Variants in ARHGAP35 observed in about 807,000 individuals in gnomAD.
ARHGAP35 encodes Rho GTPase activating protein 35.
ARHGAP35 carries 15 observed loss-of-function variants against 111.1 expected under a neutral mutation model. The ratio of observed to expected loss-of-function variants is 0.13; its 90% CI spans 0.09 to 0.21. The LOEUF (loss-of-function observed/expected upper bound fraction) is 0.21, where lower values mean the gene tolerates loss of function less well. Ranked by LOEUF, ARHGAP35 falls within the 10% of genes least tolerant of loss-of-function variation. The probability of loss-of-function intolerance (pLI) is 1.00; values close to 1 mark genes in which losing one functional copy is unlikely to be tolerated. For synonymous variants in ARHGAP35, 643 were observed against 710.3 expected, an observed-to-expected ratio of 0.91 and a Z score of 1.51; for missense variants, 1,262 against 1,873.0, an observed-to-expected ratio of 0.67 and a Z score of 6.02.
At chr19:46,866,309 T>C (rs1474428697) in intron 1 of ARHGAP35, among the ~76,000 whole-genome samples, 1 of 152,178 alleles carries the variant, frequency 6.6e-6, no homozygotes, top group Admixed American at 6.5e-5. Flanking sequence ...CTTGCGTTCA[T>C]TGGAACTCAG....
chr19:46,874,566 C>G lies in ARHGAP35; in HGVS notation c.-189+13357C>G, dbSNP rs984028029. 2.8e-5 allele frequency among the ~76,000 whole-genome samples: 4 copies of G among 140,794 alleles called. 1 individual carries two copies. Among genetic ancestry groups the G allele is most frequent in the African/African-American group, 1.1e-4 (4 of 37,576 alleles). 92.4% of individuals were successfully genotyped at this position (140,794 alleles called of 152,430 possible). ...TTGCCCAGGCTGGAGTACAATGGCA[C>G]AATCTTCGGCTCACAGCAACCTCCG... On this transcript the variant is annotated intron_variant, in intron 1 of 6. Coordinates refer to ENST00000672722, the MANE Select transcript of ARHGAP35 (RefSeq NM_004491.5).
At position 46,926,134 on chromosome 19, in the gene ARHGAP35, A is replaced by G. The variant is rs1241621916; in HGVS notation, c.3681+3778A>G. On this transcript the variant is annotated intron_variant, in intron 2 of 6. Coordinates refer to ENST00000672722, the MANE Select transcript of ARHGAP35 (RefSeq NM_004491.5). This position sits in a 1 kb window ranked among gnomAD's most constrained non-coding sequence, Gnocchi z 4.1. ...TATGCTCTGGGTACCAATGTGATAC[A>G]GAAAAAAATCACTCAGTGCCCTTGG... Among the ~76,000 whole-genome samples the G allele has an allele frequency of 6.6e-6, 1 of 152,194 alleles. No homozygotes were observed. The highest frequency in any genetic ancestry group is 1.5e-5 in the Non-Finnish European group (1 of 68,026).
At chr19:46,873,579 A>G (rs1260293744) in intron 1 of ARHGAP35, among the ~76,000 whole-genome samples, 3 of 149,776 alleles carry the variant, frequency 2.0e-5, no homozygotes, top group Non-Finnish European at 3.0e-5. Context: ...TGGAGGTTGC[A>G]GTGAGCTGAG....
intron 1 of ARHGAP35, among the ~76,000 whole-genome samples, chr19:46,881,934 T>C (rs1445420529): frequency 6.6e-6 from 1 of 152,210 alleles, no homozygotes; most frequent in African/African-American, 2.4e-5. Context: ...ATCTTGCACA[T>C]TTATGTTATG....
At chr19:46,970,930 A>T (rs2056543812) in intron 3 of ARHGAP35, among the ~76,000 whole-genome samples, 1 of 152,082 alleles carries the variant, frequency 6.6e-6, no homozygotes, top group Admixed American at 6.5e-5. Context: ...AGTGATTATA[A>T]CTGACCTCTA....
chr19:46,892,590 A>C (rs1292796227), intron 1 of ARHGAP35, among the ~76,000 whole-genome samples: 1 of 151,862 alleles, frequency 6.6e-6, no homozygotes, highest in Non-Finnish European at 1.5e-5. Context: ...AATTTTCTAA[A>C]GTACGAAGTA....
At chr19:46,904,089 G>C (rs1599808698) in intron 1 of ARHGAP35, among the ~76,000 whole-genome samples, 1 of 152,144 alleles carries the variant, frequency 6.6e-6, no homozygotes, top group East Asian at 1.9e-4. Context: ...CTAGGGTCTT[G>C]ATTAATGTGA....
At position 46,920,715 on chromosome 19, in the gene ARHGAP35, G is replaced by T. The variant is rs368137748; in HGVS notation, c.2040G>T (p.Lys680Asn). ...CCTATGTAGTGGAAAGTATAGAGAA[G>T]AGTAGAGAGTCCACGCTGGGCCGGC... The part of the protein sequence containing the change: ...SLSYVVESIE[K>N]SRESTLGRRD... The change falls in exon 2 of 7, where the codon AAG becomes AAT. Residue 680 changes from lysine to asparagine, a missense_variant. By Grantham distance (94) the Lys-to-Asn change is moderately conservative. Around this residue, in one of 8 missense-constraint regions of ARHGAP35, gnomAD observed 579 missense variants for 716.9 expected, o/e 0.81. Coordinates refer to ENST00000672722, the MANE Select transcript of ARHGAP35 (RefSeq NM_004491.5). The surrounding 1 kb of genome is among the most constrained non-coding windows in gnomAD (Gnocchi z 7.0). 6.2e-7 allele frequency: 1 copy of T among 1,613,802 alleles called. No homozygotes were observed. The highest frequency in any genetic ancestry group is 8.5e-7 in the Non-Finnish European group (1 of 1,179,814).
intron 3 of ARHGAP35, among the ~76,000 whole-genome samples, chr19:46,981,893 T>G (rs763612819): frequency 6.6e-6 from 1 of 151,964 alleles, no homozygotes; most frequent in Non-Finnish European, 1.5e-5. Flanking sequence ...TCACTCTGTC[T>G]CCCAAGCTGA....
Position 46,988,130 on chromosome 19 carries a change from G to A in ARHGAP35, c.3904+64G>A. 6.7e-7 allele frequency: 1 copy of A among 1,492,898 alleles called. No homozygotes were observed. The highest frequency in any genetic ancestry group is 9.2e-7 in the Non-Finnish European group (1 of 1,082,214). The allele number at this position is 1,492,898 out of a possible 1,614,324, so 92.5% of individuals were successfully genotyped here. On this transcript the variant is annotated intron_variant, in intron 4 of 6. Coordinates refer to ENST00000672722, the MANE Select transcript of ARHGAP35 (RefSeq NM_004491.5). This position sits in a 1 kb window ranked among gnomAD's most constrained non-coding sequence, Gnocchi z 5.4. ...GGTCAAGGCAGACACAGCTGCCTCG[G>A]TGAACTGTCTGTGGGGCTTCGGAGC...
intron 1 of ARHGAP35, among the ~76,000 whole-genome samples, 156 bp downstream of exon 1, chr19:46,861,365 C>G (rs1241707077): frequency 6.9e-6 from 1 of 145,624 alleles, no homozygotes; most frequent in Non-Finnish European, 1.5e-5. Context: ...GCCCCCCGGG[C>G]CCCGCCGTCC....
At chr19:46,864,436 A>C (rs2055844983) in intron 1 of ARHGAP35, among the ~76,000 whole-genome samples, 1 of 152,200 alleles carries the variant, frequency 6.6e-6, no homozygotes, top group Non-Finnish European at 1.5e-5. Flanking sequence ...ATTGTATATT[A>C]AAGTAGCCAT....
intron 1 of ARHGAP35, among the ~76,000 whole-genome samples, chr19:46,870,844 T>C (rs2055883810): frequency 6.6e-6 from 1 of 152,036 alleles, no homozygotes; most frequent in African/African-American, 2.4e-5. Context: ...AAGTTTTTTC[T>C]TAAAAAAAAA....
chr19:46,969,013 G>T (rs1027459511), intron 3 of ARHGAP35, among the ~76,000 whole-genome samples: 6 of 152,160 alleles, frequency 3.9e-5, no homozygotes, highest in African/African-American at 1.2e-4. Context: ...CTTGAACCTG[G>T]AAGGCAGAGG....
intron 3 of ARHGAP35, among the ~76,000 whole-genome samples, chr19:46,950,643 G>T (rs544403258): frequency 6.6e-6 from 1 of 152,336 alleles, no homozygotes; most frequent in African/African-American, 2.4e-5. Flanking sequence ...TTCTGGCAGG[G>T]TGAGTGTGGG....
At chr19:46,953,276 TG>T (rs1434180570) in intron 3 of ARHGAP35, among the ~76,000 whole-genome samples, 3 of 151,632 alleles carry the variant, frequency 2.0e-5, no homozygotes, top group Admixed American at 2.0e-4. Context: ...GCAGGAAAGG[TG>T]GGGTATGAAA....
intron 3 of ARHGAP35, among the ~76,000 whole-genome samples, chr19:46,969,456 C>T (rs2056532730): frequency 6.6e-6 from 1 of 152,184 alleles, no homozygotes; most frequent in South Asian, 2.1e-4. Context: ...AAAGCTTCCT[C>T]ACTGCCTGGT....
At chr19:46,991,489 C>G (rs963509126) in intron 5 of ARHGAP35, among the ~76,000 whole-genome samples, 1 of 152,224 alleles carries the variant, frequency 6.6e-6, no homozygotes, top group African/African-American at 2.4e-5. Context: ...CAGCTCTCAC[C>G]CAGCTTCCAC....
intron 3 of ARHGAP35, chr19:46,948,524 T>C (rs1222619102): frequency 2.0e-5 from 3 of 152,248 alleles, no homozygotes; most frequent in Admixed American, 6.5e-5. Context: ...GCCACCCAGA[T>C]GTCCACCACC....
Sources: allele counts gnomAD v4.1 joint callset (sites outside exome capture counted in the v4.1 genomes callset), GRCh38; gene constraint gnomAD v4.1.1; regional missense constraint gnomAD v4.1.1; non-coding constraint Gnocchi (gnomAD v3.1); transcripts MANE v1.5; gene names NCBI Gene and HGNC (gene_info 2026-07-23, HGNC 2026-07-21).